Variants in AKNA observed in about 807,000 individuals in gnomAD.
AKNA encodes microtubule organization protein AKNA.
A neutral mutation model predicts 138.8 loss-of-function variants in AKNA; 67 were observed. The observed-to-expected ratio is 0.48, with a 90% CI of 0.40 to 0.59. The LOEUF is 0.59. Ranked by LOEUF, AKNA falls within the 20% of genes least tolerant of loss-of-function variation. AKNA has a pLI of 0.00. For synonymous variants in AKNA, 737 were observed against 754.4 expected (o/e 0.98, Z 0.38); for missense variants, 1,813 against 1,880.4 (o/e 0.96, Z 0.66).
At chr9:114,343,674 T>G (rs1166899955) in intron 19 of AKNA, 34 bp downstream of exon 19, 2 of 1,605,076 alleles carry the variant, frequency 1.2e-6, no homozygotes, top group Admixed American at 3.3e-5. Flanking sequence ...CAGCCACAGC[T>G]GCCTGGGCCA....
At chr9:114,354,144 A>G (rs1564627633) in intron 14 of AKNA, among the ~76,000 whole-genome samples, 1 of 152,188 alleles carries the variant, frequency 6.6e-6, no homozygotes, top group Non-Finnish European at 1.5e-5. Context: ...AAAGTAAAAA[A>G]TATTTTCTTT....
At chr9:114,346,379 C>T (rs1028972803) in intron 17 of AKNA, among the ~76,000 whole-genome samples, 6 of 152,230 alleles carry the variant, frequency 3.9e-5, no homozygotes, top group African/African-American at 1.4e-4. Flanking sequence ...ACATCCCCTG[C>T]GCTCATTGGG....
At chr9:114,350,733 C>T (rs1423688493) in intron 15 of AKNA, 126 bp downstream of exon 15, 14 of 1,108,330 alleles carry the variant, frequency 1.3e-5, no homozygotes, top group African/African-American at 6.4e-5. Flanking sequence ...CACCTGGGTC[C>T]GTCTGCTCCT....
At chr9:114,353,255 T>C (rs1324895729) in intron 14 of AKNA, among the ~76,000 whole-genome samples, 1 of 108,238 alleles carries the variant, frequency 9.2e-6, no homozygotes, top group Non-Finnish European at 2.0e-5. Flanking sequence ...AATGATCTTA[T>C]TTTTTGTTTT....
intron 4 of AKNA, among the ~76,000 whole-genome samples, chr9:114,368,928 C>T (rs1397426472): frequency 1.3e-5 from 2 of 152,168 alleles, no homozygotes; most frequent in South Asian, 2.1e-4. Context: ...TCTATCTGAC[C>T]CCAACACCTA....
At chr9:114,384,609 G>A (rs945783308) in intron 1 of AKNA, among the ~76,000 whole-genome samples, 1 of 152,146 alleles carries the variant, frequency 6.6e-6, no homozygotes, top group Non-Finnish European at 1.5e-5. Flanking sequence ...CTTAATGAAA[G>A]TAAGTAGATT....
At chr9:114,354,672 C>T (rs1831361400) in intron 14 of AKNA, among the ~76,000 whole-genome samples, 1 of 145,302 alleles carries the variant, frequency 6.9e-6, no homozygotes, top group Non-Finnish European at 1.5e-5. Context: ...GAGATTGTGC[C>T]ACTGCAGTCT....
At chr9:114,357,388 C>T (rs577671418) in intron 12 of AKNA, among the ~76,000 whole-genome samples, 9 of 152,348 alleles carry the variant, frequency 5.9e-5, no homozygotes, top group African/African-American at 2.2e-4. Flanking sequence ...CAAATATGTA[C>T]AGGTCCTACC....
At chr9:114,341,783 A>AGTGG in intron 20 of AKNA, 58 bp from the exon 21 acceptor site, 1 of 1,512,760 alleles carries the variant, frequency 6.6e-7, no homozygotes, top group Non-Finnish European at 8.9e-7. Flanking sequence ...AGATCCAGCC[A>AGTGG]AAGATGGAGG....
chr9:114,369,849 CCAT>C (rs1434225138), intron 4 of AKNA, among the ~76,000 whole-genome samples: 13 of 152,280 alleles, frequency 8.5e-5, no homozygotes, highest in East Asian at 7.7e-4. Flanking sequence ...ATTACCACCA[CCAT>C]CATCACCATT....
In AKNA at chr9:114,344,151, A is replaced by G. The variant is rs539952353; in HGVS notation, c.3662-348T>C. 6.1e-5 allele frequency: 14 copies of G among 227,686 alleles called. No individual in the cohort carries two copies. In the South Asian group the frequency reaches 8.0e-4, roughly 13 times the overall value. The allele number at this position is 227,686 out of a possible 1,614,324, so 14.1% of individuals were successfully genotyped here. On this transcript the variant is annotated intron_variant, in intron 18 of 21. Transcript: ENST00000374088. ...CAGGATTTGAAAGCAGGCCAGGAAG[A>G]AATGATAAGCAAAGCAACAATAAGA...
chr9:114,334,704 T>A lies in AKNA; in HGVS notation c.*2350A>T, dbSNP rs1419364279. ...CAGCACCCCTTCCGTGGCAGAAAAGTTGGGCCTGAATTGTTTGAGCAATTC... is the reference window on the plus strand; with the variant it reads ...CAGCACCCCTTCCGTGGCAGAAAAGATGGGCCTGAATTGTTTGAGCAATTC... On this transcript the variant is annotated 3_prime_UTR_variant, in exon 22 of 22. Transcript: ENST00000374088. 6.8e-6 allele frequency: 1 copy of A among 146,712 alleles called. No individual in the cohort carries two copies. Among genetic ancestry groups the A allele is most frequent in the Non-Finnish European group, 1.5e-5 (1 of 67,904 alleles). 9.1% of individuals were successfully genotyped at this position (146,712 alleles called of 1,614,324 possible).
chr9:114,337,331 G>A (rs375487967), intron 21 of AKNA, 25 bp from the exon 22 acceptor site: 11 of 1,419,832 alleles, frequency 7.7e-6, no homozygotes, highest in African/African-American at 2.9e-5. Flanking sequence ...GAGTGGGCTC[G>A]TTACACATGG....
chr9:114,344,017 A>T (rs1830524578), intron 18 of AKNA: 1 of 494,918 alleles, frequency 2.0e-6, no homozygotes, highest in African/African-American at 2.0e-5. Flanking sequence ...ACGTCACCGA[A>T]CATCTTTGTG....
chr9:114,368,649 C>G, intron 4 of AKNA, 54 bp from the exon 5 acceptor site: 3 of 1,296,168 alleles, frequency 2.3e-6, no homozygotes, highest in Non-Finnish European at 2.0e-6. Flanking sequence ...GCAAACCCAC[C>G]TGAAACGCCT....
At chr9:114,334,057 C>G (rs1403272611), downstream of AKNA, 1 of 134,456 alleles carries the variant, frequency 7.4e-6, no homozygotes, top group East Asian at 2.0e-4. Flanking sequence ...GGACTTGCTT[C>G]CTCTTTGCCT....
Position 114,361,858 on chromosome 9 carries a change from T to A in AKNA, c.1970A>T (p.Glu657Val). 1 of 1,610,274 alleles carries A rather than the reference T, an allele frequency of 6.2e-7. No individual in the cohort carries two copies. The highest frequency in any genetic ancestry group is 1.7e-5 in the Admixed American group (1 of 60,018). The change falls in exon 9 of 22, where the codon GAA (glutamate) becomes GTA (valine). Residue 657 changes from glutamate (E) to valine (V), a missense_variant. Coordinates refer to ENST00000374088, the MANE Select transcript of AKNA (RefSeq NM_001317950.2). ...CTCTTGCTGGGTCTGGTCTATGTGT[T>A]CCTTCAGCTCTTCCAGGCAGCTTCC... ...RLGSCLEELKEHIDQTQQEPE... is the reference protein window; with the variant it reads ...RLGSCLEELKVHIDQTQQEPE...
intron 1 of AKNA, among the ~76,000 whole-genome samples, chr9:114,393,382 A>AT (rs71492776): frequency 0.044 from 6,189 of 140,180 alleles, 126 homozygotes; most frequent in Non-Finnish European, 0.051. Flanking sequence ...CGCCCAGCTA[A>AT]TTTTTTTTTT....
At chr9:114,388,180 C>A (rs960554661), upstream of AKNA, 1 of 219,458 alleles carries the variant, frequency 4.6e-6, no homozygotes, top group Non-Finnish European at 9.9e-6. Context: ...GCAGTCAGCG[C>A]TGCCCAGGAA....
Sources: allele counts gnomAD v4.1 joint callset (sites outside exome capture counted in the v4.1 genomes callset), GRCh38; gene constraint gnomAD v4.1.1; transcripts MANE v1.5; gene names NCBI Gene and HGNC (gene_info 2026-07-23, HGNC 2026-07-21).